The following INO80 variants were observed in gnomAD, a reference collection of about 807,000 sequenced individuals.
INO80 encodes the protein INO80 complex ATPase subunit, also known as chromatin-remodeling ATPase INO80.
A neutral mutation model predicts 203.4 loss-of-function variants in INO80; 20 were observed. The ratio of observed to expected loss-of-function variants is 0.10; its 90% CI spans 0.07 to 0.14. The LOEUF is 0.14. Ranked by LOEUF, INO80 falls within the 10% of genes least tolerant of loss-of-function variation. The pLI, the probability that INO80 is intolerant of heterozygous loss-of-function variation, is 1.00. For missense variants in INO80, 1,419 were observed against 1,914.4 expected (o/e 0.74, Z 4.83); for synonymous variants, 726 against 685.2 (o/e 1.06, Z -0.93).
rs1490791390 is a variant in INO80 at position 41,072,024 on chromosome 15, C to T, written c.1430G>A (p.Arg477Gln). The change falls in exon 12 of 36, where the codon CGA becomes CAA. Residue 477 changes from arginine (R) to glutamine (Q), a missense_variant. Arg to Gln is a conservative substitution (Grantham distance 43, BLOSUM62 1). Coordinates refer to ENST00000648947, the MANE Select transcript of INO80 (RefSeq NM_017553.3). ...GTTTGCTGCCCGTAGGGCAGCTGCT[C>T]GACTTTCTTTTGCATCTTCATCAAA... is the stretch of plus-strand genomic sequence containing the variant. ...RSFDEDAKES[R>Q]AAALRAANKS... is the part of the protein sequence containing the mutation. 3 of 1,594,820 alleles carry T rather than the reference C, an allele frequency of 1.9e-6. No homozygotes were observed. The highest frequency in any genetic ancestry group is 1.4e-5 in the African/African-American group (1 of 72,168).
chr15:41,059,132 T>C (rs545392955), intron 15 of INO80, among the ~76,000 whole-genome samples: 28 of 150,970 alleles, frequency 1.9e-4, no homozygotes, highest in African/African-American at 6.1e-4. Flanking sequence ...TTTTATTTTA[T>C]TTTATTTTAT....
chr15:41,091,588 C>T (rs2045642865), intron 5 of INO80, among the ~76,000 whole-genome samples: 1 of 151,238 alleles, frequency 6.6e-6, no homozygotes, highest in African/African-American at 2.4e-5. Flanking sequence ...TCTCATTGTT[C>T]AGCTCCCACT....
chr15:40,985,997 T>C (rs959005914), intron 31 of INO80, among the ~76,000 whole-genome samples: 1 of 152,220 alleles, frequency 6.6e-6, no homozygotes, highest in African/African-American at 2.4e-5. Context: ...ACATTGAGCA[T>C]GGCTGTAGAG....
At chr15:40,982,670 C>T (rs916933904) in intron 35 of INO80, among the ~76,000 whole-genome samples, 192 bp downstream of exon 35, 6 of 152,228 alleles carry the variant, frequency 3.9e-5, no homozygotes, top group Admixed American at 1.3e-4. Context: ...TTCCAATCCA[C>T]AGACAGCCCT....
intron 14 of INO80, among the ~76,000 whole-genome samples, chr15:41,068,591 C>T (rs2045260408): frequency 6.6e-6 from 1 of 151,936 alleles, no homozygotes; most frequent in South Asian, 2.1e-4. Flanking sequence ...TGTGCGGTGG[C>T]TCATGCCTGT....
intron 27 of INO80, among the ~76,000 whole-genome samples, chr15:41,009,344 C>A (rs1213580019): frequency 6.7e-6 from 1 of 150,344 alleles, no homozygotes; most frequent in Non-Finnish European, 1.5e-5. Context: ...AACTCGTCAT[C>A]TAGCATTAGG....
intron 16 of INO80, among the ~76,000 whole-genome samples, chr15:41,057,695 G>A (rs2045014175): frequency 6.6e-6 from 1 of 150,420 alleles, no homozygotes; most frequent in Non-Finnish European, 1.5e-5. Flanking sequence ...TACTCGGGAG[G>A]CTGAGGCAGG....
chr15:41,007,059 G>A lies in INO80; in HGVS notation c.3403-1372C>T, dbSNP rs552774760. ...TTTGCAGCTAATCCAATCACAGAACGTTGCAATCAGAACAACAAAGTAACT... is the reference window on the plus strand; with the variant it reads ...TTTGCAGCTAATCCAATCACAGAACATTGCAATCAGAACAACAAAGTAACT... On this transcript the variant is annotated intron_variant, in intron 27 of 35. Transcript: ENST00000648947. Among the ~76,000 whole-genome samples, 35 of 151,626 alleles carry A rather than the reference G, an allele frequency of 2.3e-4. 1 individual carries two copies. Among genetic ancestry groups the A allele is most frequent in the African/African-American group, 7.5e-4 (31 of 41,364 alleles).
intron 4 of INO80, among the ~76,000 whole-genome samples, chr15:41,093,538 T>C (rs932933811): frequency 3.9e-5 from 6 of 152,088 alleles, no homozygotes; most frequent in African/African-American, 1.4e-4. Context: ...ACTTTGTAAA[T>C]ACACGAAAAA....
chr15:41,102,884 C>A (rs965809184), intron 1 of INO80, among the ~76,000 whole-genome samples: 1 of 152,094 alleles, frequency 6.6e-6, no homozygotes, highest in Non-Finnish European at 1.5e-5. Flanking sequence ...ATTCTAAATG[C>A]GGAGTACACC....
At chr15:40,999,417 T>C (rs1453598567) in intron 28 of INO80, 1 of 152,204 alleles carries the variant, frequency 6.6e-6, no homozygotes, top group African/African-American at 2.4e-5. Context: ...TATTTTGAAA[T>C]AAACATCCTG....
intron 30 of INO80, 102 bp downstream of exon 30, chr15:40,987,714 C>A: frequency 8.9e-7 from 1 of 1,121,332 alleles, no homozygotes; most frequent in African/African-American, 1.6e-5. Context: ...TCGTCAGGAC[C>A]AATGAAAGGC....
chr15:41,051,618 C>T (rs958829464), intron 19 of INO80, among the ~76,000 whole-genome samples: 10 of 151,628 alleles, frequency 6.6e-5, no homozygotes, highest in Non-Finnish European at 1.5e-4. Context: ...CTGAGACCAG[C>T]TTGGGCAACA....
At chr15:41,007,841 C>T (rs765544973) in intron 27 of INO80, among the ~76,000 whole-genome samples, 2 of 151,406 alleles carry the variant, frequency 1.3e-5, no homozygotes, top group African/African-American at 2.4e-5. Context: ...TACATCCTCA[C>T]ACTATAGGAA....
chr15:40,997,615 A>G lies in INO80; in HGVS notation c.3498-14T>C. ...AAGATGTCATTCCTGCAGAAAAGGG[A>G]GAGATATGTTAAAGGAAAAACTGAA... On this transcript the variant is annotated splice_polypyrimidine_tract_variant and intron_variant, in intron 28 of 35. Transcript: ENST00000648947. The G allele has an allele frequency of 6.3e-7, 1 of 1,592,728 alleles. No homozygotes were observed. The highest frequency in any genetic ancestry group is 8.6e-7 in the Non-Finnish European group (1 of 1,160,738).
At chr15:41,111,945 C>T (rs1273356770) in intron 1 of INO80, among the ~76,000 whole-genome samples, 4 of 152,086 alleles carry the variant, frequency 2.6e-5, no homozygotes, top group Admixed American at 1.3e-4. Flanking sequence ...AGCTCTGTTG[C>T]CCAGGCTGGA....
At chr15:41,002,583 G>C (rs1453706898) in intron 28 of INO80, among the ~76,000 whole-genome samples, 1 of 152,140 alleles carries the variant, frequency 6.6e-6, no homozygotes, top group Non-Finnish European at 1.5e-5. Flanking sequence ...AGCTCTGGTT[G>C]GGGTCTATAT....
chr15:41,071,112 T>C (rs2045305352), intron 12 of INO80, among the ~76,000 whole-genome samples: 1 of 152,154 alleles, frequency 6.6e-6, no homozygotes, highest in African/African-American at 2.4e-5. Context: ...AAGGCTACAG[T>C]GAGCCATAAA....
intron 9 of INO80, among the ~76,000 whole-genome samples, chr15:41,075,731 GGT>G (rs2045392834): frequency 6.6e-6 from 1 of 152,102 alleles, no homozygotes; most frequent in African/African-American, 2.4e-5. Context: ...TGGGATTAAA[GGT>G]GTGAGCCACC....
Sources: gnomAD v4.1 joint callset for allele counts (sites outside exome capture counted in the v4.1 genomes callset) on GRCh38, gnomAD v4.1.1 for gene constraint, MANE v1.5 for transcripts, NCBI Gene and HGNC (gene_info 2026-07-23, HGNC 2026-07-21) for gene names.